Variants in NRG3 observed in about 807,000 individuals in gnomAD.
NRG3 encodes the protein pro-neuregulin-3, membrane-bound isoform.
Under a neutral mutation model 66.9 loss-of-function variants are expected in NRG3, and 31 were observed. The observed-to-expected ratio is 0.46, with a 90% CI of 0.35 to 0.63. NRG3 has a LOEUF of 0.63. NRG3 is among the 20% of genes least tolerant of loss of function. The pLI, the probability that NRG3 is intolerant of heterozygous loss-of-function variation, is 0.00. For missense variants in NRG3, 910 were observed against 878.9 expected (o/e 1.04, Z -0.45); for synonymous variants, 393 against 359.4 (o/e 1.09, Z -1.06).
intron 1 of NRG3, among the ~76,000 whole-genome samples, chr10:81,900,642 T>C (rs1843978768): frequency 6.6e-6 from 1 of 152,192 alleles, no homozygotes; most frequent in African/African-American, 2.4e-5. Flanking sequence ...ATTTTGATAA[T>C]ATAGAAATCA....
chr10:82,376,202 C>T (rs2085225558), intron 2 of NRG3, among the ~76,000 whole-genome samples: 2 of 152,192 alleles, frequency 1.3e-5, no homozygotes, highest in Non-Finnish European at 2.9e-5. Context: ...TACACCGGAG[C>T]TCTTCCACTT....
At chr10:82,332,122 G>A (rs1021122378) in intron 1 of NRG3, among the ~76,000 whole-genome samples, 1 of 152,216 alleles carries the variant, frequency 6.6e-6, no homozygotes, top group Non-Finnish European at 1.5e-5. Context: ...GAGTACCAGA[G>A]AAGGATCATT....
chr10:82,063,940 G>A (rs1391916730), intron 1 of NRG3, among the ~76,000 whole-genome samples: 3 of 152,180 alleles, frequency 2.0e-5, no homozygotes, highest in Non-Finnish European at 4.4e-5. Flanking sequence ...GTTGTAGAGA[G>A]GGTTTACTGC....
chr10:81,965,042 C>G (rs940029607), intron 1 of NRG3, among the ~76,000 whole-genome samples: 1 of 151,890 alleles, frequency 6.6e-6, no homozygotes, highest in African/African-American at 2.4e-5. Flanking sequence ...AAATATATAC[C>G]AAGCATCATT....
chr10:82,886,749 A>G (rs1842753760), intron 4 of NRG3, among the ~76,000 whole-genome samples: 1 of 152,160 alleles, frequency 6.6e-6, no homozygotes, highest in Admixed American at 6.5e-5. Context: ...AGTAAAGACA[A>G]AGTTAGGTTT....
At chr10:82,341,202 A>C (rs1264718270) in intron 1 of NRG3, among the ~76,000 whole-genome samples, 2 of 152,122 alleles carry the variant, frequency 1.3e-5, no homozygotes, top group African/African-American at 2.4e-5. Flanking sequence ...ACTACTAAAA[A>C]ACGATGCCTT....
At chr10:82,406,981 G>A (rs1276701108) in intron 2 of NRG3, among the ~76,000 whole-genome samples, 2 of 151,548 alleles carry the variant, frequency 1.3e-5, no homozygotes, top group South Asian at 2.1e-4. Flanking sequence ...TCATATCCAG[G>A]GTGTCTATAA....
At chr10:82,782,944 A>G (rs1249241892) in intron 3 of NRG3, among the ~76,000 whole-genome samples, 7 of 152,220 alleles carry the variant, frequency 4.6e-5, no homozygotes, top group African/African-American at 1.7e-4. Context: ...ATGAACATTG[A>G]TGCAAAAATC....
chr10:82,851,847 C>T (rs904930728), intron 3 of NRG3, among the ~76,000 whole-genome samples: 2 of 152,106 alleles, frequency 1.3e-5, no homozygotes, highest in African/African-American at 4.8e-5. Flanking sequence ...TGCGTACTGT[C>T]ACTTGGAGAA....
intron 1 of NRG3, among the ~76,000 whole-genome samples, chr10:82,281,789 A>C (rs1316596713): frequency 1.3e-5 from 2 of 151,986 alleles, no homozygotes; most frequent in East Asian, 3.9e-4. Flanking sequence ...TATTCTCTGG[A>C]CTTTGTATTT....
intron 2 of NRG3, among the ~76,000 whole-genome samples, chr10:82,363,791 T>C (rs2084344986): frequency 6.6e-6 from 1 of 152,212 alleles, no homozygotes; most frequent in South Asian, 2.1e-4. Flanking sequence ...TTTGTAGGGA[T>C]GCTCACCACA....
At chr10:82,783,008 C>A (rs987464728) in intron 3 of NRG3, among the ~76,000 whole-genome samples, 1 of 152,186 alleles carries the variant, frequency 6.6e-6, no homozygotes, top group Non-Finnish European at 1.5e-5. Context: ...AACTTACCCA[C>A]CATGATCAAG....
At chr10:81,944,986 CT>C (rs1195127218) in intron 1 of NRG3, among the ~76,000 whole-genome samples, 1 of 152,092 alleles carries the variant, frequency 6.6e-6, no homozygotes, top group Non-Finnish European at 1.5e-5. Context: ...TCCACTGCCC[CT>C]GAGCTCTAAT....
chr10:82,355,896 T>C (rs1171841109), intron 1 of NRG3, among the ~76,000 whole-genome samples: 1 of 152,236 alleles, frequency 6.6e-6, no homozygotes, highest in Non-Finnish European at 1.5e-5. Flanking sequence ...ATTTTATTAT[T>C]GTTTATTATA....
intron 3 of NRG3, among the ~76,000 whole-genome samples, chr10:82,779,524 G>A (rs193031770): frequency 1.3e-5 from 2 of 152,110 alleles, no homozygotes; most frequent in Non-Finnish European, 1.5e-5. Flanking sequence ...TGAGAGTTAG[G>A]CACCTCTAGT....
At chr10:82,262,207 G>T (rs1480512317) in intron 1 of NRG3, among the ~76,000 whole-genome samples, 1 of 152,166 alleles carries the variant, frequency 6.6e-6, no homozygotes. Context: ...GTAAAGGTGA[G>T]ATTTGAGTTG....
intron 3 of NRG3, among the ~76,000 whole-genome samples, chr10:82,745,236 A>G (rs1448515286): frequency 6.6e-6 from 1 of 152,194 alleles, no homozygotes; most frequent in Non-Finnish European, 1.5e-5. Context: ...CAAGCTGCAC[A>G]CTGCCCGACT....
chr10:82,967,661 C>A (rs1468082057), intron 6 of NRG3, among the ~76,000 whole-genome samples: 1 of 152,158 alleles, frequency 6.6e-6, no homozygotes, highest in Non-Finnish European at 1.5e-5. Flanking sequence ...GGGGAAGTGC[C>A]TTCTTTCTGG....
chr10:81,917,905 G>T (rs536078425), intron 1 of NRG3, among the ~76,000 whole-genome samples: 13 of 152,242 alleles, frequency 8.5e-5, no homozygotes, highest in Middle Eastern at 3.4e-3. Context: ...CATGGGTGTG[G>T]TTTTCTCTTT....
Sources: allele counts gnomAD v4.1 joint callset (sites outside exome capture counted in the v4.1 genomes callset), GRCh38; gene constraint gnomAD v4.1.1; transcripts MANE v1.5; gene names NCBI Gene and HGNC (gene_info 2026-07-23, HGNC 2026-07-21).